The following DDX54 variants were observed in gnomAD, a reference collection of about 807,000 sequenced individuals.
The protein encoded by DDX54 is ATP-dependent RNA helicase DDX54.
Under a neutral mutation model 105.5 loss-of-function variants are expected in DDX54, and 67 were observed. That is an observed-to-expected ratio of 0.64 (90% confidence interval 0.52 to 0.78). The LOEUF is 0.78. DDX54 is among the 30% of genes least tolerant of loss of function. DDX54 has a pLI of 0.00. For synonymous variants in DDX54, 514 were observed against 509.9 expected (o/e 1.01, Z -0.11); for missense variants, 1,206 against 1,230.5 (o/e 0.98, Z 0.30).
At chr12:113,182,807 T>C (rs185516145) in intron 1 of DDX54, among the ~76,000 whole-genome samples, 1 of 152,204 alleles carries the variant, frequency 6.6e-6, no homozygotes, top group East Asian at 1.9e-4. Context: ...TCCGCTCACC[T>C]TGGCCTCCCA....
chr12:113,168,816 G>A (rs1952304020), intron 12 of DDX54, among the ~76,000 whole-genome samples: 1 of 152,214 alleles, frequency 6.6e-6, no homozygotes, highest in African/African-American at 2.4e-5. Context: ...TGCAGTCCCA[G>A]CTACTCGGGA....
intron 19 of DDX54, among the ~76,000 whole-genome samples, chr12:113,159,639 A>G (rs1952181108): frequency 6.6e-6 from 1 of 152,188 alleles, no homozygotes. Flanking sequence ...TAGGCTTGTT[A>G]GATGAAAAAA....
At chr12:113,180,897 C>T (rs758863818) in intron 2 of DDX54, 32 bp downstream of exon 2, 20 of 1,612,014 alleles carry the variant, frequency 1.2e-5, no homozygotes, top group Middle Eastern at 1.7e-4. Context: ...GCTGCCACTC[C>T]CGCAGAGTCC....
At position 113,169,755 on chromosome 12, in the gene DDX54, C is replaced by A; in HGVS notation, c.1414+15G>T. 6.2e-7 allele frequency: 1 copy of A among 1,612,756 alleles called. No individual in the cohort carries two copies. Among genetic ancestry groups the A allele is most frequent in the South Asian group, 1.1e-5 (1 of 90,986 alleles). On this transcript the variant is annotated intron_variant, in intron 12 of 19. Coordinates refer to ENST00000306014, the MANE Select transcript of DDX54 (RefSeq NM_024072.4). The stretch of plus-strand genomic sequence containing the variant: ...ACTCCACGGGGACCCCTATCCCCAC[C>A]CAGCCTCCACTCACCTGAGGGCTCC...
Position 113,157,392 on chromosome 12 carries a change from C to T in DDX54, c.*1485G>A. The T allele has an allele frequency of 1.7e-6, 1 of 587,450 alleles. No homozygotes were observed. Among genetic ancestry groups the T allele is most frequent in the South Asian group, 2.1e-5 (1 of 47,810 alleles). 36.4% of individuals were successfully genotyped at this position (587,450 alleles called of 1,614,324 possible). On this transcript the variant is annotated 3_prime_UTR_variant, in exon 20 of 20. Transcript: ENST00000306014. ...GAAGCTGTGAAGGTGTCTGCTCACG[C>T]AGCAGTTGGGAAGGTTGGCCTGAGG...
chr12:113,167,098 C>A (rs1314922754), intron 12 of DDX54, among the ~76,000 whole-genome samples: 1 of 152,106 alleles, frequency 6.6e-6, no homozygotes, highest in East Asian at 1.9e-4. Context: ...CAACAGTAAG[C>A]CAAGCATGGT....
Position 113,157,677 on chromosome 12 carries a change from T to G in DDX54, c.*1200A>C. 6.4e-7 allele frequency: 1 copy of G among 1,551,374 alleles called. No individual in the cohort carries two copies. The highest frequency in any genetic ancestry group is 8.7e-7 in the Non-Finnish European group (1 of 1,146,854). ...GGCTGAGCCTGCAGCCCCTGCCTCC[T>G]AGCCCTGACACAGGTGAGCAGCGGG... On this transcript the variant is annotated 3_prime_UTR_variant, in exon 20 of 20. Coordinates refer to ENST00000306014, the MANE Select transcript of DDX54 (RefSeq NM_024072.4).
Position 113,165,713 on chromosome 12 carries a change from C to G in DDX54, c.1650G>C (p.Ser550=), listed in dbSNP as rs146042540. The change falls in exon 14 of 20, where the codon TCG becomes TCC. Residue 550 remains serine (S), a synonymous_variant. Transcript: ENST00000306014. ...VGLGLHPLFS[S]RFEEEELQRL... ...GCTGCAGCTCCTCCTCCTCAAAACG[C>G]GAGCCTGGTAGGAAAGCAGCAAGGT... 2 of 1,613,322 alleles carry G rather than the reference C, an allele frequency of 1.2e-6. No individual in the cohort carries two copies. The highest frequency in any genetic ancestry group is 1.7e-6 in the Non-Finnish European group (2 of 1,179,622).
chr12:113,174,052 G>C (rs571586020), intron 10 of DDX54, among the ~76,000 whole-genome samples: 1 of 152,020 alleles, frequency 6.6e-6, no homozygotes, highest in Non-Finnish European at 1.5e-5. Context: ...GCATGGTGGC[G>C]CCTGAAGTCT....
At chr12:113,184,538 C>A (rs538019778) in intron 1 of DDX54, among the ~76,000 whole-genome samples, 4 of 152,312 alleles carry the variant, frequency 2.6e-5, no homozygotes, top group South Asian at 2.1e-4. Flanking sequence ...AAACGGTCAA[C>A]AAACACAAAC....
intron 12 of DDX54, among the ~76,000 whole-genome samples, chr12:113,168,424 G>GCTA (rs1162837495): frequency 2.6e-5 from 4 of 152,230 alleles, no homozygotes; most frequent in African/African-American, 4.8e-5. Flanking sequence ...TGTGCATGCG[G>GCTA]GTAGGCCTGT....
chr12:113,185,478 G>A lies in DDX54; in HGVS notation c.-27C>T, dbSNP rs759892275. ...CGGGCCGCGCGCTGGGAACGCAGAA[G>A]GGGGCGTGGCCTGAGGAGCGCACCA... On this transcript the variant is annotated 5_prime_UTR_variant, in exon 1 of 20. Transcript: ENST00000306014. 54 of 1,485,730 alleles carry A rather than the reference G, an allele frequency of 3.6e-5. No homozygotes were observed. The highest frequency in any genetic ancestry group is 7.3e-5 in the African/African-American group (5 of 68,892). 92.0% of individuals were successfully genotyped at this position (1,485,730 alleles called of 1,614,324 possible). A position where few individuals can be genotyped will look rare whatever the true frequency, so the allele number is the denominator to read the frequency against.
Position 113,176,863 on chromosome 12 carries a change from G to C in DDX54, c.729C>G (p.Tyr243Ter), listed in dbSNP as rs143973951. The change falls in exon 7 of 20, where the codon TAC becomes TAG. Residue 243 changes from tyrosine (Y) to a stop codon, truncating the protein, a stop_gained. Coordinates refer to ENST00000306014, the MANE Select transcript of DDX54 (RefSeq NM_024072.4). LOFTEE classifies it high-confidence loss of function. ...EMSLKLQSVE[Y>*]VVFDEADRLF... The stretch of plus-strand genomic sequence containing the variant: ...ACCGGTCAGCTTCATCGAACACCAC[G>C]TATTCCACACTCTGCAGCTTCAGGC... 2 of 1,614,024 alleles carry C rather than the reference G, an allele frequency of 1.2e-6. No individual in the cohort carries two copies. The highest frequency in any genetic ancestry group is 2.7e-5 in the African/African-American group (2 of 74,916).
Position 113,158,726 on chromosome 12 carries a change from G to A in DDX54, c.*151C>T. On this transcript the variant is annotated 3_prime_UTR_variant, in exon 20 of 20. Transcript: ENST00000306014. The surrounding 1 kb of genome is among the most constrained non-coding windows in gnomAD (Gnocchi z 4.9). Reference sequence around the variant, plus strand: ...GCTGACGCAGCTGCTGCCCTTCTGTGGCCATACAGTGCTCCTTTTCACAGA... The same window carrying A: ...GCTGACGCAGCTGCTGCCCTTCTGTAGCCATACAGTGCTCCTTTTCACAGA... 1.2e-6 allele frequency: 1 copy of A among 819,288 alleles called. No individual in the cohort carries two copies. Among genetic ancestry groups the A allele is most frequent in the Non-Finnish European group, 1.9e-6 (1 of 537,766 alleles). The allele number at this position is 819,288 out of a possible 1,614,324, so 50.8% of individuals were successfully genotyped here.
Position 113,169,853 on chromosome 12 carries a change from G to A in DDX54, c.1331C>T (p.Pro444Leu). 1 of 1,614,042 alleles carries A rather than the reference G, an allele frequency of 6.2e-7. No individual in the cohort carries two copies. The highest frequency in any genetic ancestry group is 1.3e-5 in the African/African-American group (1 of 75,024). Residue 444 changes from proline (P) to leucine (L), a missense_variant, in exon 12 of 20, where the codon CCT (proline) becomes CTT (leucine). By Grantham distance (98) the Pro-to-Leu change is moderately conservative. Coordinates refer to ENST00000306014, the MANE Select transcript of DDX54 (RefSeq NM_024072.4). ...ATCCAGCAGGTAGGGGATTTCATCAGGGGCCACCAAGGAGTAGGCTGTGCC... is the reference window on the plus strand; with the variant it reads ...ATCCAGCAGGTAGGGGATTTCATCAAGGGCCACCAAGGAGTAGGCTGTGCC... The part of the protein sequence containing the change: ...RSGTAYSLVA[P>L]DEIPYLLDLH...
chr12:113,160,068 G>C (rs1443464195), intron 19 of DDX54, among the ~76,000 whole-genome samples: 2 of 152,214 alleles, frequency 1.3e-5, no homozygotes, highest in Non-Finnish European at 2.9e-5. Flanking sequence ...CCCACTGCAC[G>C]GCAATGCTCG....
At chr12:113,160,749 A>T (rs2136312485) in intron 19 of DDX54, among the ~76,000 whole-genome samples, 1 of 152,300 alleles carries the variant, frequency 6.6e-6, no homozygotes, top group Admixed American at 6.5e-5. Context: ...GTCTTTGGTG[A>T]CATGAACTTC....
At chr12:113,176,189 C>T (rs916630929) in intron 7 of DDX54, among the ~76,000 whole-genome samples, 9 of 152,306 alleles carry the variant, frequency 5.9e-5, no homozygotes, top group South Asian at 2.1e-4. Context: ...GAGCTGAAGT[C>T]GCAGAGCTAG....
intron 7 of DDX54, 30 bp downstream of exon 7, chr12:113,176,810 A>T: frequency 6.2e-7 from 1 of 1,611,280 alleles, no homozygotes; most frequent in Non-Finnish European, 8.5e-7. Context: ...GTTCAGACAC[A>T]AGTGCTCAGG....
Sources: gnomAD v4.1 joint callset for allele counts (sites outside exome capture counted in the v4.1 genomes callset) on GRCh38, gnomAD v4.1.1 for gene constraint, Gnocchi (gnomAD v3.1) non-coding constraint, MANE v1.5 for transcripts, NCBI Gene and HGNC (gene_info 2026-07-23, HGNC 2026-07-21) for gene names.